Variants in RBFOX1 observed in about 807,000 individuals in gnomAD.
RBFOX1 encodes RNA binding fox-1 homolog 1.
In RBFOX1, 8 loss-of-function variants were observed where a neutral mutation model predicts 57.7. The observed-to-expected ratio is 0.14, with a 90% CI of 0.08 to 0.25. The LOEUF (loss-of-function observed/expected upper bound fraction) is 0.25, where lower values mean the gene tolerates loss of function less well. Among genes scored for constraint, RBFOX1 ranks in the 10% least tolerant of loss-of-function variants. The pLI is 1.00. For missense variants in RBFOX1, 611 were observed against 548.5 expected, an observed-to-expected ratio of 1.11 and a Z score of -1.14; for synonymous variants, 326 against 222.4, an observed-to-expected ratio of 1.47 and a Z score of -4.15.
At chr16:5,427,063 G>T (rs2067583178) in intron 1 of RBFOX1, among the ~76,000 whole-genome samples, 1 of 152,096 alleles carries the variant, frequency 6.6e-6, no homozygotes. Flanking sequence ...ACCTCATGGT[G>T]TCTTATACAT....
chr16:7,402,186 C>G (rs139374882), intron 4 of RBFOX1, among the ~76,000 whole-genome samples: 61 of 152,238 alleles, frequency 4.0e-4, no homozygotes, highest in African/African-American at 1.4e-3. Flanking sequence ...ATGAGCAACT[C>G]TTTGAAAATA....
At position 7,224,474 on chromosome 16, in the gene RBFOX1, A is replaced by G. The variant is rs186079818; in HGVS notation, c.27+172376A>G. On this transcript the variant is annotated intron_variant, in intron 4 of 15. Coordinates refer to ENST00000550418, the MANE Select transcript of RBFOX1 (RefSeq NM_018723.4). ...CCAGTGCTTCTCAGTCTTGGCTGCA[A>G]ATGATCGAGCTATAAAAATACTGCT... Among the ~76,000 whole-genome samples the G allele has an allele frequency of 2.7e-5, 4 of 147,744 alleles. No homozygotes were observed. The East Asian group carries it at 7.7e-4, about 29-fold the overall frequency.
At chr16:7,317,399 C>G (rs1238989502) in intron 4 of RBFOX1, among the ~76,000 whole-genome samples, 2 of 152,092 alleles carry the variant, frequency 1.3e-5, no homozygotes, top group Non-Finnish European at 2.9e-5. Flanking sequence ...TCCCAGAGCT[C>G]AGAATTTTTC....
At chr16:5,409,091 A>G (rs1189022664) in intron 1 of RBFOX1, among the ~76,000 whole-genome samples, 1 of 152,248 alleles carries the variant, frequency 6.6e-6, no homozygotes, top group Admixed American at 6.5e-5. Context: ...TAGGGTGGGC[A>G]TAATTTCTGC....
At chr16:7,588,668 G>C (rs1007116851) in intron 7 of RBFOX1, among the ~76,000 whole-genome samples, 1 of 152,170 alleles carries the variant, frequency 6.6e-6, no homozygotes, top group African/African-American at 2.4e-5. Context: ...TCGGTATCAC[G>C]GAGGGTCAGT....
chr16:5,978,128 CAAAAAAAAAAAAA>C (rs140908065), intron 4 of RBFOX1, among the ~76,000 whole-genome samples: 24 of 31,526 alleles, frequency 7.6e-4, no homozygotes, highest in Admixed American at 1.8e-3. Flanking sequence ...CTGTCTCTTC[CAAAAAAAAAAAAA>C]AAAAAAAAAA....
intron 5 of RBFOX1, among the ~76,000 whole-genome samples, chr16:7,578,331 A>G: frequency 6.6e-6 from 1 of 152,188 alleles, no homozygotes; most frequent in East Asian, 1.9e-4. Context: ...CATTGTCTAA[A>G]TACATGACTT....
intron 1 of RBFOX1, among the ~76,000 whole-genome samples, chr16:5,362,101 T>G (rs2065568204): frequency 6.6e-6 from 1 of 152,222 alleles, no homozygotes; most frequent in South Asian, 2.1e-4. Flanking sequence ...ATCTGTCATC[T>G]CAACAAATGT....
intron 1 of RBFOX1, among the ~76,000 whole-genome samples, chr16:5,391,747 C>G (rs1485202897): frequency 6.6e-6 from 1 of 151,838 alleles, no homozygotes; most frequent in African/African-American, 2.4e-5. Context: ...GTTTTCATAT[C>G]TAGATTTCCT....
intron 11 of RBFOX1, among the ~76,000 whole-genome samples, chr16:7,650,567 CT>C (rs1282633006): frequency 8.4e-6 from 1 of 119,734 alleles, no homozygotes; most frequent in Non-Finnish European, 2.0e-5. Flanking sequence ...ACGTGCTCCC[CT>C]CTCTCTCTCT....
intron 1 of RBFOX1, among the ~76,000 whole-genome samples, chr16:6,061,513 T>C (rs1387206938): frequency 6.6e-6 from 1 of 151,700 alleles, no homozygotes; most frequent in African/African-American, 2.4e-5. Flanking sequence ...TAGTATATTG[T>C]TACAAATATC....
intron 1 of RBFOX1, among the ~76,000 whole-genome samples, chr16:6,086,677 A>C (rs1295437854): frequency 6.6e-6 from 1 of 152,176 alleles, no homozygotes; most frequent in East Asian, 1.9e-4. Context: ...TTTCTCAATA[A>C]AAGATGGAGT....
At chr16:6,871,383 A>C (rs985425187) in intron 3 of RBFOX1, among the ~76,000 whole-genome samples, 13 of 152,180 alleles carry the variant, frequency 8.5e-5, no homozygotes, top group Non-Finnish European at 1.6e-4. Context: ...ATAGGGTTTC[A>C]GTATGTTGGC....
chr16:6,236,605 GTTTA>G (rs2097506784), intron 1 of RBFOX1, among the ~76,000 whole-genome samples: 1 of 151,572 alleles, frequency 6.6e-6, no homozygotes, highest in Non-Finnish European at 1.5e-5. Context: ...TGGCTAATTT[GTTTA>G]TTTATTTATT....
At chr16:7,300,466 T>C (rs2096005699) in intron 4 of RBFOX1, among the ~76,000 whole-genome samples, 1 of 152,222 alleles carries the variant, frequency 6.6e-6, no homozygotes, top group South Asian at 2.1e-4. Context: ...CACATTAAAT[T>C]TGGAAGTGAA....
Position 6,921,625 on chromosome 16 carries a change from GTA to G in RBFOX1, c.-15-130412_-15-130411del, listed in dbSNP as rs146354998. On this transcript the variant is annotated intron_variant, in intron 3 of 15. Transcript: ENST00000550418. ...AATTTATGTATATACATAAATTACT[GTA>G]TATATATATATATATATATTTTTTT... Among the ~76,000 whole-genome samples, 1,285 of 135,222 alleles carry G rather than the reference GTA, an allele frequency of 9.5e-3. 20 individuals are homozygous for G. Among genetic ancestry groups the G allele is most frequent in the African/African-American group, 0.033 (1,211 of 36,338 alleles). The allele number at this position is 135,222 out of a possible 152,430, so 88.7% of individuals were successfully genotyped here. A position where few individuals can be genotyped will look rare whatever the true frequency, so the allele number is the denominator to read the frequency against.
At chr16:5,580,106 A>T (rs1471848572) in intron 2 of RBFOX1, among the ~76,000 whole-genome samples, 1 of 152,136 alleles carries the variant, frequency 6.6e-6, no homozygotes, top group African/African-American at 2.4e-5. Context: ...CATTACCTAC[A>T]ACAGCTTGTA....
intron 3 of RBFOX1, among the ~76,000 whole-genome samples, chr16:6,860,758 C>T (rs1204061722): frequency 6.6e-6 from 1 of 151,972 alleles, no homozygotes; most frequent in Non-Finnish European, 1.5e-5. Context: ...ATCTGAAAAC[C>T]ATAATGTTGA....
At chr16:6,960,819 C>T (rs2082809823) in intron 3 of RBFOX1, among the ~76,000 whole-genome samples, 1 of 151,784 alleles carries the variant, frequency 6.6e-6, no homozygotes, top group Admixed American at 6.6e-5. Context: ...GGGTACCTGA[C>T]CCAAACAAAG....
Sources: allele counts gnomAD v4.1 joint callset (sites outside exome capture counted in the v4.1 genomes callset), GRCh38; gene constraint gnomAD v4.1.1; transcripts MANE v1.5; gene names NCBI Gene and HGNC (gene_info 2026-07-23, HGNC 2026-07-21).